NCMAP: variants seen among roughly 807,000 people sequenced by gnomAD.
NCMAP encodes the protein noncompact myelin-associated protein.
Under a neutral mutation model 7.8 loss-of-function variants are expected in NCMAP, and 8 were observed. That is an observed-to-expected ratio of 1.02 (90% CI 0.60 to 1.84). The LOEUF (loss-of-function observed/expected upper bound fraction) is 1.84, where lower values mean the gene tolerates loss of function less well. Among genes scored for constraint, NCMAP ranks in the 40% most tolerant of loss-of-function variants. NCMAP has a pLI of 0.00. For missense variants in NCMAP, 112 were observed against 131.4 expected, an observed-to-expected ratio of 0.85 and a Z score of 0.72; for synonymous variants, 41 against 52.9, an observed-to-expected ratio of 0.78 and a Z score of 0.98.
chr1:24,573,969 A>AAAAAAAAAAAAAC lies in NCMAP; in HGVS notation c.-8+17802_-8+17803insAAAAAAAAAACAA, dbSNP rs1274825221. 2.9e-5 allele frequency among the ~76,000 whole-genome samples: 4 copies of AAAAAAAAAAAAAC among 136,868 alleles called. 1 individual carries two copies. The highest frequency in any genetic ancestry group is 8.8e-5 in the African/African-American group (3 of 34,254). The allele number at this position is 136,868 out of a possible 152,430, so 89.8% of individuals were successfully genotyped here. A position where few individuals can be genotyped will look rare whatever the true frequency, so the allele number is the denominator to read the frequency against. ...AGAGAGGACAAAAAAAAAAAAAAAA[A>AAAAAAAAAAAAAC]AACAGAAAAAAGGGGGAATATGTCA... On this transcript the variant is annotated intron_variant, in intron 1 of 3. Coordinates refer to ENST00000374392, the MANE Select transcript of NCMAP (RefSeq NM_001010980.5).
At chr1:24,582,986 G>C (rs1368527787) in intron 1 of NCMAP, among the ~76,000 whole-genome samples, 2 of 152,184 alleles carry the variant, frequency 1.3e-5, no homozygotes, top group East Asian at 3.8e-4. Flanking sequence ...CAGTAATTGT[G>C]CTTTTGGTCA....
chr1:24,601,885 G>A (rs9729619), intron 3 of NCMAP, among the ~76,000 whole-genome samples: 8,204 of 151,492 alleles, frequency 0.054, 760 homozygotes, highest in African/African-American at 0.19. Flanking sequence ...CTAAAAATAC[G>A]AAAAAATTAG....
intron 1 of NCMAP, among the ~76,000 whole-genome samples, chr1:24,556,465 A>G (rs1289061591): frequency 1.3e-5 from 2 of 152,168 alleles, no homozygotes; most frequent in African/African-American, 4.8e-5. Context: ...GGAGGGGCCG[A>G]GGCTCGCTGG....
chr1:24,604,608 ATATATATATATATATATATATATATAT>A (rs1652648211), intron 3 of NCMAP, among the ~76,000 whole-genome samples: 10 of 8,974 alleles, frequency 1.1e-3, no homozygotes, highest in East Asian at 3.7e-3. Flanking sequence ...AAAAAAAAAT[ATATATATATATATATATATATATATAT>A]ATATATATAT....
intron 1 of NCMAP, among the ~76,000 whole-genome samples, chr1:24,570,985 G>A (rs938544456): frequency 4.0e-5 from 6 of 150,742 alleles, no homozygotes; most frequent in African/African-American, 1.5e-4. Context: ...CACTGGGCAT[G>A]GTCTTCATGT....
chr1:24,570,100 A>G (rs1324218341), intron 1 of NCMAP, among the ~76,000 whole-genome samples: 2 of 146,842 alleles, frequency 1.4e-5, no homozygotes, highest in South Asian at 4.2e-4. Flanking sequence ...GTGAGCCACC[A>G]CACCTGGAAA....
At chr1:24,594,556 A>G (rs74062022) in intron 1 of NCMAP, among the ~76,000 whole-genome samples, 1 of 152,142 alleles carries the variant, frequency 6.6e-6, no homozygotes, top group South Asian at 2.1e-4. Context: ...TACATGGTAG[A>G]TTCCCAAACT....
intron 1 of NCMAP, among the ~76,000 whole-genome samples, chr1:24,563,329 C>T (rs928683602): frequency 2.0e-5 from 3 of 150,848 alleles, no homozygotes; most frequent in African/African-American, 7.5e-5. Context: ...CAAGACCAGC[C>T]TGACCAACGT....
rs1411402079 is a variant in NCMAP, at chr1:24,576,557, G to T, written c.-7-18867G>T. ...GAGGGTGTCCTGAACCAAGTGAGAG[G>T]CTGGAAGAGTCACAAGGAGGAAGGG... On this transcript the variant is annotated intron_variant, in intron 1 of 3. Coordinates refer to ENST00000374392, the MANE Select transcript of NCMAP (RefSeq NM_001010980.5). The surrounding 1 kb of genome is among the most constrained non-coding windows in gnomAD (Gnocchi z 4.0). Among the ~76,000 whole-genome samples, 2 of 152,196 alleles carry T rather than the reference G, an allele frequency of 1.3e-5. No individual in the cohort carries two copies. Among genetic ancestry groups the T allele is most frequent in the East Asian group, 1.9e-4 (1 of 5,186 alleles).
intron 1 of NCMAP, among the ~76,000 whole-genome samples, chr1:24,584,688 T>A (rs1651828596): frequency 6.6e-6 from 1 of 151,542 alleles, no homozygotes; most frequent in Admixed American, 6.6e-5. Flanking sequence ...GGCGGTGGGG[T>A]GGGGTTGATG....
At chr1:24,578,837 G>T (rs1456473459) in intron 1 of NCMAP, among the ~76,000 whole-genome samples, 1 of 151,994 alleles carries the variant, frequency 6.6e-6, no homozygotes, top group East Asian at 1.9e-4. Context: ...AAAGTGCTGG[G>T]ATTACAGACA....
intron 3 of NCMAP, among the ~76,000 whole-genome samples, chr1:24,603,231 A>C (rs74062027): frequency 6.6e-6 from 1 of 152,110 alleles, no homozygotes; most frequent in Admixed American, 6.6e-5. Context: ...ATAGAAACAG[A>C]TACAGAAAGA....
chr1:24,598,747 C>T (rs1213729372), intron 2 of NCMAP, among the ~76,000 whole-genome samples: 1 of 151,660 alleles, frequency 6.6e-6, no homozygotes, highest in Non-Finnish European at 1.5e-5. Context: ...AAGCGATTCT[C>T]GTGCCTCAGC....
At chr1:24,586,430 G>T (rs1250569943) in intron 1 of NCMAP, among the ~76,000 whole-genome samples, 1 of 152,184 alleles carries the variant, frequency 6.6e-6, no homozygotes, top group East Asian at 1.9e-4. Context: ...GTCATCATGC[G>T]ACTGTCACTG....
At chr1:24,592,181 G>C (rs1652066876) in intron 1 of NCMAP, among the ~76,000 whole-genome samples, 1 of 152,198 alleles carries the variant, frequency 6.6e-6, no homozygotes. Flanking sequence ...GAGTAGCTGA[G>C]ACGCTGGAAA....
intron 2 of NCMAP, among the ~76,000 whole-genome samples, chr1:24,600,650 T>C (rs1420852497): frequency 6.6e-6 from 1 of 152,262 alleles, no homozygotes; most frequent in Non-Finnish European, 1.5e-5. Context: ...TGTTTGTTTG[T>C]TTCCCAGAAG....
At chr1:24,575,352 GA>G (rs1488765156) in intron 1 of NCMAP, among the ~76,000 whole-genome samples, 8 of 152,124 alleles carry the variant, frequency 5.3e-5, no homozygotes, top group Non-Finnish European at 2.9e-5. Context: ...TACGCTGGGA[GA>G]GCCCCACAGA....
At chr1:24,599,819 G>GGCCCCCCCCCCCCCC (rs1652405635) in intron 2 of NCMAP, among the ~76,000 whole-genome samples, 1 of 47,772 alleles carries the variant, frequency 2.1e-5, no homozygotes. Flanking sequence ...CTCGTGATCC[G>GGCCCCCCCCCCCCCC]CCCCCCCCCC....
chr1:24,565,615 T>TGTGTGTGTGTG (rs1651207604), intron 1 of NCMAP, among the ~76,000 whole-genome samples: 3 of 141,148 alleles, frequency 2.1e-5, no homozygotes, highest in African/African-American at 5.3e-5. Context: ...TGTGTGTGTG[T>TGTGTGTGTGTG]TTTGAGACAG....
Sources: allele counts gnomAD v4.1 joint callset (sites outside exome capture counted in the v4.1 genomes callset), GRCh38; gene constraint gnomAD v4.1.1; non-coding constraint Gnocchi (gnomAD v3.1); transcripts MANE v1.5; gene names NCBI Gene and HGNC (gene_info 2026-07-23, HGNC 2026-07-21).